PRTG: variants seen among roughly 807,000 people sequenced by gnomAD.
PRTG encodes the protein immunoglobulin superfamily, DCC subclass, member 5.
In PRTG, 67 loss-of-function variants were observed where a neutral mutation model predicts 122.5. That is an observed-to-expected ratio of 0.55 (90% CI 0.45 to 0.67). The LOEUF (loss-of-function observed/expected upper bound fraction) is 0.67. Ranked by LOEUF, PRTG falls within the 30% of genes least tolerant of loss-of-function variation. PRTG has a pLI of 0.00. For missense variants in PRTG, 1,435 were observed against 1,415.4 expected (o/e 1.01, Z -0.22); for synonymous variants, 554 against 501.1 (o/e 1.11, Z -1.41).
intron 15 of PRTG, among the ~76,000 whole-genome samples, chr15:55,633,968 C>T (rs925305575): frequency 1.3e-5 from 2 of 151,818 alleles, no homozygotes; most frequent in Admixed American, 6.6e-5. Context: ...CCTTTCACTA[C>T]TGAGCCATCA....
intron 2 of PRTG, among the ~76,000 whole-genome samples, chr15:55,685,207 C>A (rs755498936): frequency 1.3e-5 from 2 of 152,156 alleles, no homozygotes; most frequent in African/African-American, 2.4e-5. Flanking sequence ...ACTTATGCTT[C>A]ATTAGGCTGA....
intron 10 of PRTG, 34 bp from the exon 11 acceptor site, chr15:55,672,667 C>A (rs1567093071): frequency 6.5e-7 from 1 of 1,527,642 alleles, no homozygotes; most frequent in Non-Finnish European, 8.9e-7. Context: ...TATGTATAAA[C>A]AACCCAATAT....
At chr15:55,695,397 A>C (rs2059626452) in intron 2 of PRTG, among the ~76,000 whole-genome samples, 1 of 152,258 alleles carries the variant, frequency 6.6e-6, no homozygotes, top group South Asian at 2.1e-4. Context: ...AATGTAAGAA[A>C]AACATCACAT....
intron 2 of PRTG, among the ~76,000 whole-genome samples, chr15:55,714,119 T>C (rs550108130): frequency 6.6e-6 from 1 of 152,256 alleles, no homozygotes; most frequent in South Asian, 2.1e-4. Flanking sequence ...TTGCTATGTA[T>C]TGGGAACAGA....
At chr15:55,738,025 T>TATATATACAC (rs1464247830) in intron 2 of PRTG, among the ~76,000 whole-genome samples, 1 of 95,684 alleles carries the variant, frequency 1.0e-5, no homozygotes, top group African/African-American at 4.0e-5. Flanking sequence ...TATATATATA[T>TATATATACAC]ACACACACAC....
Position 55,740,447 on chromosome 15 carries a change from T to TA in PRTG, c.331dup (p.Tyr111LeufsTer14). Reference sequence around the variant, plus strand: ...ATATTTGTTCATTGCCAAGCACTGATAAAATCCTTCATCGGACTGCTCTCC... The same window carrying TA: ...ATATTTGTTCATTGCCAAGCACTGATAAAAATCCTTCATCGGACTGCTCTCC... On this transcript the variant is annotated frameshift_variant, in exon 2 of 20. Transcript: ENST00000389286. LOFTEE classifies it high-confidence loss of function. The TA allele has an allele frequency of 6.2e-7, 1 of 1,614,212 alleles. No individual in the cohort carries two copies. Among genetic ancestry groups the TA allele is most frequent in the Non-Finnish European group, 8.5e-7 (1 of 1,180,040 alleles).
Position 55,723,685 on chromosome 15 carries a change from A to T in PRTG, c.397+16697T>A, listed in dbSNP as rs920821065. On this transcript the variant is annotated intron_variant, in intron 2 of 19. Coordinates refer to ENST00000389286, the MANE Select transcript of PRTG (RefSeq NM_173814.6). The stretch of plus-strand genomic sequence containing the variant: ...AAGAGAAAATCTTGAAGGCAGCAAA[A>T]GAGAAAAGATTCATCACATATTTAT... Among the ~76,000 whole-genome samples the T allele has an allele frequency of 2.0e-5, 3 of 152,114 alleles. No homozygotes were observed. The South Asian group carries it at 6.2e-4, about 31-fold the overall frequency.
intron 18 of PRTG, among the ~76,000 whole-genome samples, chr15:55,621,590 G>C (rs552467340): frequency 1.3e-5 from 2 of 151,748 alleles, no homozygotes; most frequent in Non-Finnish European, 2.9e-5. Context: ...ACCCGGGGCC[G>C]AGATCGCGCC....
chr15:55,632,021 C>T (rs929368285), intron 15 of PRTG, among the ~76,000 whole-genome samples: 5 of 152,122 alleles, frequency 3.3e-5, no homozygotes, highest in Non-Finnish European at 7.4e-5. Flanking sequence ...TCAGATTTTT[C>T]TCTCTTCTGT....
chr15:55,658,186 T>C (rs1256495370), intron 11 of PRTG, among the ~76,000 whole-genome samples: 1 of 152,266 alleles, frequency 6.6e-6, no homozygotes, highest in Non-Finnish European at 1.5e-5. Flanking sequence ...TGTATGAATG[T>C]ACCATAGCTT....
chr15:55,714,742 G>T (rs776972235), intron 2 of PRTG, among the ~76,000 whole-genome samples: 1 of 152,138 alleles, frequency 6.6e-6, no homozygotes. Flanking sequence ...GCTGTGAGAT[G>T]ATTTTTTCTA....
chr15:55,631,918 C>T (rs567393056), intron 15 of PRTG, among the ~76,000 whole-genome samples: 3 of 152,154 alleles, frequency 2.0e-5, no homozygotes, highest in Non-Finnish European at 4.4e-5. Flanking sequence ...TTTTGGAAGA[C>T]AGAAAACTTT....
chr15:55,693,947 T>C (rs2059618705), intron 2 of PRTG, among the ~76,000 whole-genome samples: 3 of 152,202 alleles, frequency 2.0e-5, no homozygotes, highest in Non-Finnish European at 2.9e-5. Context: ...CTTTAAGGCC[T>C]GAATAAAGGC....
chr15:55,706,114 C>A (rs895081874), intron 2 of PRTG, among the ~76,000 whole-genome samples: 1 of 149,754 alleles, frequency 6.7e-6, no homozygotes, highest in African/African-American at 2.5e-5. Context: ...CCCACTTTGG[C>A]CTCCCAAAGT....
At chr15:55,713,568 A>G (rs988827450) in intron 2 of PRTG, among the ~76,000 whole-genome samples, 1 of 152,226 alleles carries the variant, frequency 6.6e-6, no homozygotes, top group African/African-American at 2.4e-5. Flanking sequence ...AATTTCCATC[A>G]GCTTTCTTTG....
intron 2 of PRTG, among the ~76,000 whole-genome samples, chr15:55,721,607 C>T (rs144258555): frequency 4.7e-3 from 718 of 152,288 alleles, no homozygotes; most frequent in African/African-American, 0.016. Flanking sequence ...TTAGCTTACA[C>T]ATCAGCTACA....
rs181398173 is a variant in PRTG at position 55,654,918 on chromosome 15, T to C, written c.2042-13710A>G. On this transcript the variant is annotated intron_variant, in intron 11 of 19. Transcript: ENST00000389286. ...ACTTGGTCAGAGGTGCACAGTTTCATTGCAAAAACATCTGTAGTTTGATAA... is the reference window on the plus strand; with the variant it reads ...ACTTGGTCAGAGGTGCACAGTTTCACTGCAAAAACATCTGTAGTTTGATAA... Among the ~76,000 whole-genome samples the C allele has an allele frequency of 3.0e-3, 461 of 152,312 alleles. 1 individual carries two copies. Among genetic ancestry groups the C allele is most frequent in the African/African-American group, 0.01 (435 of 41,570 alleles).
chr15:55,657,933 T>C (rs1390360679), intron 11 of PRTG, among the ~76,000 whole-genome samples: 2 of 152,218 alleles, frequency 1.3e-5, no homozygotes, highest in Admixed American at 1.3e-4. Flanking sequence ...AATAAAAGGT[T>C]CTTAATACCA....
chr15:55,688,892 A>G (rs1256833083), intron 2 of PRTG, among the ~76,000 whole-genome samples: 1 of 152,118 alleles, frequency 6.6e-6, no homozygotes, highest in Non-Finnish European at 1.5e-5. Context: ...AAATGAAGTG[A>G]TCTTCTTTCT....
Sources: gnomAD v4.1 joint callset for allele counts (sites outside exome capture counted in the v4.1 genomes callset) on GRCh38, gnomAD v4.1.1 for gene constraint, MANE v1.5 for transcripts, NCBI Gene and HGNC (gene_info 2026-07-23, HGNC 2026-07-21) for gene names.